Variants in CDKL1 observed in about 807,000 individuals in gnomAD.
CDKL1 encodes cyclin dependent kinase like 1.
Under a neutral mutation model 42.0 loss-of-function variants are expected in CDKL1, and 41 were observed. The ratio of observed to expected loss-of-function variants is 0.98; its 90% CI spans 0.76 to 1.27. The LOEUF is 1.27. Ranked by LOEUF, CDKL1 falls within the 50% of genes most tolerant of loss-of-function variation. CDKL1 has a pLI of 0.00. For synonymous variants in CDKL1, 153 were observed against 158.6 expected (o/e 0.96, Z 0.26); for missense variants, 394 against 428.4 (o/e 0.92, Z 0.71).
chr14:50,350,592 G>A (rs2033873376), intron 3 of CDKL1, among the ~76,000 whole-genome samples: 1 of 152,182 alleles, frequency 6.6e-6, no homozygotes, highest in Non-Finnish European at 1.5e-5. Flanking sequence ...GTACTCCAAG[G>A]GAGCTGGACA....
chr14:50,380,112 T>C (rs762854769), intron 2 of CDKL1: 12 of 517,604 alleles, frequency 2.3e-5, no homozygotes, highest in African/African-American at 5.8e-5. Context: ...TACCCTCACA[T>C]TGGTTCTATG....
At chr14:50,387,230 G>T (rs2035111310) in intron 2 of CDKL1, among the ~76,000 whole-genome samples, 1 of 148,166 alleles carries the variant, frequency 6.7e-6, no homozygotes, top group South Asian at 2.2e-4. Flanking sequence ...AAATGGGGGT[G>T]GGGGTGGTGG....
In CDKL1 at chr14:50,352,901, T is replaced by C. The variant is rs79598122; in HGVS notation, c.290+6127A>G. ...TGAGTACTAGCTCATGCTTTCTTTG[T>C]AGACAATTTCATAAAGAAAGTCAAG... is the stretch of plus-strand genomic sequence containing the variant. On this transcript the variant is annotated intron_variant, in intron 3 of 9. Transcript: ENST00000395834. Among the ~76,000 whole-genome samples, 523 of 152,334 alleles carry C rather than the reference T, an allele frequency of 3.4e-3. 4 individuals are homozygous for C. Among genetic ancestry groups the C allele is most frequent in the African/African-American group, 0.012 (493 of 41,566 alleles).
intron 8 of CDKL1, chr14:50,333,731 C>T (rs1397738144): frequency 6.6e-6 from 1 of 152,114 alleles, no homozygotes; most frequent in Non-Finnish European, 1.5e-5. Context: ...CGGATTGGGA[C>T]CCCTTTCAGG....
intron 3 of CDKL1, among the ~76,000 whole-genome samples, chr14:50,355,806 A>T (rs542504457): frequency 5.9e-5 from 9 of 152,352 alleles, no homozygotes; most frequent in African/African-American, 2.2e-4. Context: ...GGTACAATAG[A>T]GAAAGTAAGG....
At chr14:50,361,653 G>A (rs889018429) in intron 2 of CDKL1, among the ~76,000 whole-genome samples, 1 of 152,220 alleles carries the variant, frequency 6.6e-6, no homozygotes, top group African/African-American at 2.4e-5. Flanking sequence ...CCATTCATGA[G>A]GGCTCTGCCT....
At position 50,328,581 on chromosome 14, in the gene CDKL1, C is replaced by A. The variant is rs1381667651; in HGVS notation, c.*1493G>T. 1 of 152,148 alleles carries A rather than the reference C, an allele frequency of 6.6e-6. No individual in the cohort carries two copies. The highest frequency in any genetic ancestry group is 1.9e-4 in the East Asian group (1 of 5,196). The allele number at this position is 152,148 out of a possible 1,614,324, so 9.4% of individuals were successfully genotyped here. On this transcript the variant is annotated 3_prime_UTR_variant, in exon 10 of 10. Coordinates refer to ENST00000395834, the MANE Select transcript of CDKL1 (RefSeq NM_004196.7). ...CTAGGAATAGTGGCAGCACATCAAC[C>A]AGAAATGGTGTTGAGCTGTAAGAAA...
chr14:50,342,287 C>T (rs2033573280), intron 4 of CDKL1, 65 bp from the exon 5 acceptor site: 1 of 1,530,490 alleles, frequency 6.5e-7, no homozygotes, highest in Non-Finnish European at 9.0e-7. Flanking sequence ...AAATGAAACA[C>T]ATGACTATTT....
chr14:50,348,285 A>C (rs2033793125), intron 3 of CDKL1, among the ~76,000 whole-genome samples: 1 of 152,154 alleles, frequency 6.6e-6, no homozygotes, highest in Admixed American at 6.5e-5. Flanking sequence ...TATGGAAAAA[A>C]CTGTTTAGAA....
chr14:50,363,103 C>T, intron 2 of CDKL1: 1 of 304,326 alleles, frequency 3.3e-6, no homozygotes, highest in South Asian at 2.8e-5. Context: ...CGAAGGTCTG[C>T]AGCTTCACTC....
chr14:50,370,781 T>C (rs1016513845), intron 2 of CDKL1, among the ~76,000 whole-genome samples: 1 of 152,142 alleles, frequency 6.6e-6, no homozygotes, highest in African/African-American at 2.4e-5. Context: ...GAATTGGCAG[T>C]GGGGCATACC....
At chr14:50,330,444 T>C in intron 9 of CDKL1, 1 of 349,026 alleles carries the variant, frequency 2.9e-6, no homozygotes, top group Non-Finnish European at 5.1e-6. Flanking sequence ...TTAACATTAT[T>C]GGGAAGAAAA....
intron 3 of CDKL1, among the ~76,000 whole-genome samples, chr14:50,349,881 G>A (rs980185200): frequency 6.6e-6 from 1 of 152,150 alleles, no homozygotes; most frequent in Non-Finnish European, 1.5e-5. Flanking sequence ...CAATTCTCCT[G>A]CCTCAGCCGC....
chr14:50,353,464 T>G (rs1010602264), intron 3 of CDKL1, among the ~76,000 whole-genome samples: 1 of 152,142 alleles, frequency 6.6e-6, no homozygotes, highest in Non-Finnish European at 1.5e-5. Flanking sequence ...TACACAAGGC[T>G]ATCACAAAGA....
At chr14:50,364,668 T>G (rs890369256) in intron 2 of CDKL1, among the ~76,000 whole-genome samples, 2 of 152,184 alleles carry the variant, frequency 1.3e-5, no homozygotes, top group African/African-American at 4.8e-5. Flanking sequence ...TTTCCATCTG[T>G]AAGAGTAAGA....
At chr14:50,331,149 C>T (rs982185856) in intron 9 of CDKL1, 1 of 152,356 alleles carries the variant, frequency 6.6e-6, no homozygotes, top group East Asian at 1.9e-4. Context: ...AGGAGACTCA[C>T]TTGAACCTGG....
chr14:50,336,191 C>A, intron 7 of CDKL1: 1 of 1,356,806 alleles, frequency 7.4e-7, no homozygotes. Flanking sequence ...GCAGGCCTCC[C>A]TCTGTCAGGG....
chr14:50,366,706 T>C (rs753370390), intron 2 of CDKL1, among the ~76,000 whole-genome samples: 4 of 152,098 alleles, frequency 2.6e-5, no homozygotes, highest in African/African-American at 4.8e-5. Context: ...TCTTGAGATG[T>C]ATTTTGTTAT....
chr14:50,390,149 A>G, intron 2 of CDKL1: 1 of 1,361,536 alleles, frequency 7.3e-7, no homozygotes, highest in Non-Finnish European at 9.8e-7. Context: ...GCAGTAGATG[A>G]TTCCTTCTCT....
Sources: allele counts gnomAD v4.1 joint callset (sites outside exome capture counted in the v4.1 genomes callset), GRCh38; gene constraint gnomAD v4.1.1; transcripts MANE v1.5; gene names NCBI Gene and HGNC (gene_info 2026-07-23, HGNC 2026-07-21).